TENM4: variants seen among roughly 807,000 people sequenced by gnomAD.
TENM4 encodes the protein teneurin transmembrane protein 4, also known as teneurin-4.
TENM4 carries 82 observed loss-of-function variants against 243.3 expected under a neutral mutation model. The ratio of observed to expected loss-of-function variants is 0.34; its 90% CI spans 0.28 to 0.40. The LOEUF (loss-of-function observed/expected upper bound fraction) is 0.40, where lower values mean the gene tolerates loss of function less well. Among genes scored for constraint, TENM4 ranks in the 10% least tolerant of loss-of-function variants. The pLI is 1.00. For missense variants in TENM4, 3,138 were observed against 3,673.3 expected, an observed-to-expected ratio of 0.85 and a Z score of 3.77; for synonymous variants, 1,412 against 1,456.3, an observed-to-expected ratio of 0.97 and a Z score of 0.69.
intron 1 of TENM4, among the ~76,000 whole-genome samples, chr11:79,369,685 G>T (rs192701944): frequency 6.6e-6 from 1 of 152,076 alleles, no homozygotes; most frequent in African/African-American, 2.4e-5. Context: ...CCATCCCTCT[G>T]TCCATCCTAC....
chr11:79,151,107 G>C (rs1862501728), intron 3 of TENM4, among the ~76,000 whole-genome samples: 1 of 152,076 alleles, frequency 6.6e-6, no homozygotes, highest in African/African-American at 2.4e-5. Flanking sequence ...TGGCTTCTGT[G>C]ACTCACCATT....
At chr11:79,305,541 T>TCAAAA (rs1590866438) in intron 1 of TENM4, among the ~76,000 whole-genome samples, 1 of 152,260 alleles carries the variant, frequency 6.6e-6, no homozygotes, top group East Asian at 1.9e-4. Context: ...CACAATCTTT[T>TCAAAA]CAAAACAAAA....
intron 6 of TENM4, among the ~76,000 whole-genome samples, chr11:79,061,296 C>T (rs1354032618): frequency 6.6e-6 from 1 of 152,114 alleles, no homozygotes; most frequent in Non-Finnish European, 1.5e-5. Context: ...AGTAGACAGC[C>T]TTTGGGCACC....
Position 79,119,360 on chromosome 11 carries a change from A to T in TENM4, c.-66+29350T>A, listed in dbSNP as rs1861689873. 2.0e-5 allele frequency among the ~76,000 whole-genome samples: 3 copies of T among 150,798 alleles called. No individual in the cohort carries two copies. In the South Asian group the frequency reaches 6.3e-4, roughly 32 times the overall value. ...TTTGATAATCATTATTATTGTGATA[A>T]TCATTATCATTATTGTCCTTGTTGT... On this transcript the variant is annotated intron_variant, in intron 4 of 33. Transcript: ENST00000278550.
rs141624311 is a variant in TENM4 at position 79,351,080 on chromosome 11, T to C, written c.-320-53537A>G. Among the ~76,000 whole-genome samples, 521 of 152,304 alleles carry C rather than the reference T, an allele frequency of 3.4e-3. 1 individual carries two copies. The highest frequency in any genetic ancestry group is 0.012 in the African/African-American group (493 of 41,550). Reference sequence around the variant, plus strand: ...GTCATGGGCCTACCTCAAGGCTGTATACTTGCTGTTGTCTGCCAGGAATGC... The same window carrying C: ...GTCATGGGCCTACCTCAAGGCTGTACACTTGCTGTTGTCTGCCAGGAATGC... On this transcript the variant is annotated intron_variant, in intron 1 of 33. Coordinates refer to ENST00000278550, the MANE Select transcript of TENM4 (RefSeq NM_001098816.3).
chr11:79,378,168 C>T (rs974571334), intron 1 of TENM4, among the ~76,000 whole-genome samples: 4 of 152,214 alleles, frequency 2.6e-5, no homozygotes. Context: ...ACAGCTTCTC[C>T]CCAGGAACTA....
chr11:79,099,163 AT>A (rs1861159250), intron 4 of TENM4, among the ~76,000 whole-genome samples: 1 of 152,154 alleles, frequency 6.6e-6, no homozygotes, highest in African/African-American at 2.4e-5. Context: ...TTCCTTAGTC[AT>A]TCCTGGGGGT....
Position 79,111,354 on chromosome 11 carries a change from G to C in TENM4, c.-66+37356C>G, listed in dbSNP as rs569056752. On this transcript the variant is annotated intron_variant, in intron 4 of 33. Transcript: ENST00000278550. ...AGGTCAGGAGATTGAGACCATCCTG[G>C]CTAACACGGTGAAACCGCATCTCTA... Among the ~76,000 whole-genome samples the C allele has an allele frequency of 8.5e-5, 13 of 152,236 alleles. No homozygotes were observed. In the South Asian group the frequency reaches 2.7e-3, roughly 32 times the overall value.
chr11:79,183,405 G>C (rs538060345), intron 3 of TENM4, among the ~76,000 whole-genome samples: 1 of 152,260 alleles, frequency 6.6e-6, no homozygotes, highest in South Asian at 2.1e-4. Flanking sequence ...AGGGAGGAAG[G>C]ATGAATAGGC....
intron 2 of TENM4, among the ~76,000 whole-genome samples, chr11:79,253,731 A>G (rs1855653280): frequency 6.6e-6 from 1 of 152,196 alleles, no homozygotes; most frequent in South Asian, 2.1e-4. Context: ...GTAAGAGAGG[A>G]TGAAGACGTT....
chr11:78,912,357 C>A (rs1440175261), intron 6 of TENM4, among the ~76,000 whole-genome samples: 1 of 152,186 alleles, frequency 6.6e-6, no homozygotes, highest in Non-Finnish European at 1.5e-5. Context: ...TGGGTTCAAG[C>A]AATTCTCCTG....
intron 1 of TENM4, among the ~76,000 whole-genome samples, chr11:79,314,020 G>A (rs765668788): frequency 6.6e-6 from 1 of 152,308 alleles, no homozygotes; most frequent in Non-Finnish European, 1.5e-5. Flanking sequence ...GTTGAGCTCT[G>A]AGAATCTAAT....
intron 6 of TENM4, among the ~76,000 whole-genome samples, chr11:78,927,183 C>T (rs1446555618): frequency 1.3e-5 from 2 of 152,188 alleles, no homozygotes; most frequent in Non-Finnish European, 2.9e-5. Flanking sequence ...GGCTACTACA[C>T]AGGAACTGAT....
Position 79,306,776 on chromosome 11 carries a change from T to C in TENM4, c.-320-9233A>G, listed in dbSNP as rs536204111. 2.0e-5 allele frequency among the ~76,000 whole-genome samples: 3 copies of C among 152,292 alleles called. No homozygotes were observed. The South Asian group carries it at 6.2e-4, about 32-fold the overall frequency. ...CAAGGCTTAGAGGGATTATGTGGCC[T>C]ACCTGAGGCTGCTGAGGCAGAAATG... On this transcript the variant is annotated intron_variant, in intron 1 of 33. Transcript: ENST00000278550.
At chr11:79,314,977 A>T (rs1230790049) in intron 1 of TENM4, among the ~76,000 whole-genome samples, 1 of 152,236 alleles carries the variant, frequency 6.6e-6, no homozygotes, top group African/African-American at 2.4e-5. Flanking sequence ...GAAGACATAA[A>T]CACATAGATG....
At chr11:78,925,646 T>C (rs1856536870) in intron 6 of TENM4, among the ~76,000 whole-genome samples, 1 of 152,102 alleles carries the variant, frequency 6.6e-6, no homozygotes, top group African/African-American at 2.4e-5. Flanking sequence ...TATGGACCTC[T>C]CACATAGCCA....
intron 30 of TENM4, among the ~76,000 whole-genome samples, chr11:78,672,829 T>C (rs1202588743): frequency 6.6e-6 from 1 of 152,058 alleles, no homozygotes; most frequent in African/African-American, 2.4e-5. Context: ...GACTTGACTC[T>C]CACACATACA....
intron 1 of TENM4, among the ~76,000 whole-genome samples, chr11:79,337,298 TAAC>T (rs1857163376): frequency 6.6e-6 from 1 of 152,170 alleles, no homozygotes. Context: ...GGCAGCTGCA[TAAC>T]AACATTTTCT....
intron 3 of TENM4, among the ~76,000 whole-genome samples, chr11:79,201,190 T>C (rs759049121): frequency 6.6e-6 from 1 of 152,198 alleles, no homozygotes; most frequent in Non-Finnish European, 1.5e-5. Context: ...TGCTATTCCA[T>C]CATCTTGTGA....
Sources: gnomAD v4.1 joint callset for allele counts (sites outside exome capture counted in the v4.1 genomes callset) on GRCh38, gnomAD v4.1.1 for gene constraint, MANE v1.5 for transcripts, NCBI Gene and HGNC (gene_info 2026-07-23, HGNC 2026-07-21) for gene names.